Variants in IL1RAP observed in about 807,000 individuals in gnomAD.
IL1RAP encodes interleukin 1 receptor accessory protein.
Under a neutral mutation model 60.7 loss-of-function variants are expected in IL1RAP, and 35 were observed. The ratio of observed to expected loss-of-function variants is 0.58; its 90% CI spans 0.44 to 0.76. The LOEUF (loss-of-function observed/expected upper bound fraction) is 0.76, where lower values mean the gene tolerates loss of function less well. Ranked by LOEUF, IL1RAP falls within the 30% of genes least tolerant of loss-of-function variation. IL1RAP has a pLI of 0.00. For synonymous variants in IL1RAP, 268 were observed against 250.9 expected, an observed-to-expected ratio of 1.07 and a Z score of -0.64; for missense variants, 572 against 693.9, an observed-to-expected ratio of 0.82 and a Z score of 1.97.
Position 190,534,763 on chromosome 3 carries a change from TCCA to T in IL1RAP, c.-89+20546_-89+20548del, listed in dbSNP as rs536382309. On this transcript the variant is annotated intron_variant, in intron 1 of 11. Coordinates refer to ENST00000447382, the MANE Select transcript of IL1RAP (RefSeq NM_002182.4). ...GAATCAAAAGCCATCTTCTCACATT[TCCA>T]CTAGTGAGTTATTGACCTCATGAAA... Among the ~76,000 whole-genome samples, 90 of 152,204 alleles carry T rather than the reference TCCA, an allele frequency of 5.9e-4. 1 individual carries two copies. The South Asian group carries it at 0.018, about 30-fold the overall frequency.
chr3:190,570,666 A>T (rs1417783596), intron 3 of IL1RAP, among the ~76,000 whole-genome samples: 1 of 152,122 alleles, frequency 6.6e-6, no homozygotes, highest in Admixed American at 6.5e-5. Flanking sequence ...CCCAAGTTCA[A>T]GTGATTCTCC....
intron 2 of IL1RAP, among the ~76,000 whole-genome samples, chr3:190,557,738 A>G (rs1019888314): frequency 6.6e-6 from 1 of 152,222 alleles, no homozygotes; most frequent in Non-Finnish European, 1.5e-5. Flanking sequence ...AAAAGGCTCC[A>G]TAAATCATTT....
intron 5 of IL1RAP, among the ~76,000 whole-genome samples, chr3:190,619,727 CAAA>C (rs113083710): frequency 7.7e-6 from 1 of 129,618 alleles, no homozygotes. Context: ...GACCCTATCT[CAAA>C]AAAAAAAAAA....
At chr3:190,545,859 C>T (rs900699372) in intron 1 of IL1RAP, among the ~76,000 whole-genome samples, 5 of 152,022 alleles carry the variant, frequency 3.3e-5, no homozygotes, top group Admixed American at 6.6e-5. Context: ...TGAATCCCTA[C>T]GAGGTTGTGA....
intron 5 of IL1RAP, among the ~76,000 whole-genome samples, chr3:190,618,442 C>G (rs1015368979): frequency 6.6e-6 from 1 of 152,040 alleles, no homozygotes; most frequent in Admixed American, 6.5e-5. Context: ...GATGAAAGAC[C>G]GTTATTCGGC....
At chr3:190,542,369 C>T (rs1471939173) in intron 1 of IL1RAP, among the ~76,000 whole-genome samples, 1 of 152,100 alleles carries the variant, frequency 6.6e-6, no homozygotes, top group Non-Finnish European at 1.5e-5. Context: ...AGACACTTCA[C>T]CTTTCTGCAC....
chr3:190,516,216 C>T (rs1353925424), intron 1 of IL1RAP: 2 of 152,234 alleles, frequency 1.3e-5, no homozygotes, highest in African/African-American at 4.8e-5. Context: ...GTGGTGCCCA[C>T]TTAAGTACCT....
At chr3:190,560,549 G>C (rs1034742563) in intron 2 of IL1RAP, among the ~76,000 whole-genome samples, 1 of 152,176 alleles carries the variant, frequency 6.6e-6, no homozygotes, top group Non-Finnish European at 1.5e-5. Context: ...TCTGAGTATA[G>C]AGCTATATAT....
chr3:190,655,892 C>G (rs921277424), downstream of IL1RAP: 7 of 1,534,032 alleles, frequency 4.6e-6, no homozygotes, highest in Admixed American at 5.9e-5. Flanking sequence ...CCTATAGATA[C>G]AGTGGAAGCA....
At chr3:190,602,589 G>A (rs1488705041) in intron 3 of IL1RAP, among the ~76,000 whole-genome samples, 1 of 152,100 alleles carries the variant, frequency 6.6e-6, no homozygotes, top group African/African-American at 2.4e-5. Context: ...AGGAAAAAAA[G>A]AAACTATGGA....
intron 3 of IL1RAP, among the ~76,000 whole-genome samples, chr3:190,571,424 G>C (rs1201262854): frequency 6.6e-6 from 1 of 152,130 alleles, no homozygotes. Context: ...GCTGAGGTGG[G>C]AGGATCACTT....
At chr3:190,564,223 GTTA>G (rs2108627445) in intron 2 of IL1RAP, 63 bp from the exon 3 acceptor site, 1 of 987,182 alleles carries the variant, frequency 1.0e-6, no homozygotes. Flanking sequence ...ATGAATGCTA[GTTA>G]TTATTATTTA....
chr3:190,562,694 CCACACACACA>C (rs56393536), intron 2 of IL1RAP, among the ~76,000 whole-genome samples: 3,385 of 146,550 alleles, frequency 0.023, 82 homozygotes, highest in African/African-American at 0.056. Flanking sequence ...CATATCTCGT[CCACACACACA>C]CACACACACA....
chr3:190,596,441 T>C (rs1729387799), intron 3 of IL1RAP, among the ~76,000 whole-genome samples: 1 of 152,168 alleles, frequency 6.6e-6, no homozygotes, highest in Non-Finnish European at 1.5e-5. Flanking sequence ...GGAATGGGCA[T>C]GAAAGCCCTA....
chr3:190,550,731 G>A (rs991221765), intron 1 of IL1RAP, among the ~76,000 whole-genome samples: 2 of 152,232 alleles, frequency 1.3e-5, no homozygotes, highest in Non-Finnish European at 2.9e-5. Context: ...GAGATTGCTG[G>A]TTGGTTCACA....
chr3:190,656,306 G>A (rs779778487), downstream of IL1RAP: 77 of 1,537,236 alleles, frequency 5.0e-5, no homozygotes, highest in Middle Eastern at 8.3e-4. Flanking sequence ...AGCTCAGAGA[G>A]GGCTGCAGGT....
intron 4 of IL1RAP, among the ~76,000 whole-genome samples, chr3:190,608,723 CTA>C (rs1730569032): frequency 1.3e-5 from 2 of 152,252 alleles, no homozygotes; most frequent in South Asian, 4.1e-4. Flanking sequence ...TGACACATGA[CTA>C]TTTATATACA....
chr3:190,641,968 A>G (rs146065063), intron 9 of IL1RAP, among the ~76,000 whole-genome samples: 1 of 152,188 alleles, frequency 6.6e-6, no homozygotes, highest in African/African-American at 2.4e-5. Context: ...TCATGGAAGG[A>G]GTAGAAGAGT....
intron 5 of IL1RAP, among the ~76,000 whole-genome samples, chr3:190,610,028 G>A (rs1730684486): frequency 6.6e-6 from 1 of 152,158 alleles, no homozygotes; most frequent in Admixed American, 6.5e-5. Flanking sequence ...CCTATAAGAA[G>A]AAGCTCTGAA....
Sources: gnomAD v4.1 joint callset for allele counts (sites outside exome capture counted in the v4.1 genomes callset) on GRCh38, gnomAD v4.1.1 for gene constraint, MANE v1.5 for transcripts, NCBI Gene and HGNC (gene_info 2026-07-23, HGNC 2026-07-21) for gene names.